Variants in STK3 observed in about 807,000 individuals in gnomAD.
STK3 encodes serine/threonine-protein kinase 3.
STK3 carries 41 observed loss-of-function variants against 58.0 expected under a neutral mutation model. The ratio of observed to expected loss-of-function variants is 0.71; its 90% confidence interval spans 0.55 to 0.92. The LOEUF (loss-of-function observed/expected upper bound fraction) is 0.92, where lower values mean the gene tolerates loss of function less well. Among genes scored for constraint, STK3 ranks in the 40% least tolerant of loss-of-function variants. The pLI is 0.00. For missense variants in STK3, 479 were observed against 602.7 expected (o/e 0.79, Z 2.15); for synonymous variants, 170 against 191.0 (o/e 0.89, Z 0.91).
chr8:98,483,173 T>C (rs1442464822), intron 10 of STK3, among the ~76,000 whole-genome samples: 2 of 152,192 alleles, frequency 1.3e-5, no homozygotes, highest in African/African-American at 4.8e-5. Context: ...AAGGCTAGGA[T>C]GCTGCCGTGA....
intron 1 of STK3, among the ~76,000 whole-genome samples, chr8:98,794,637 C>G (rs1833010990): frequency 6.6e-6 from 1 of 152,082 alleles, no homozygotes; most frequent in East Asian, 1.9e-4. Context: ...TTCCAAAAAT[C>G]AAGGAGGAAC....
At chr8:98,919,361 T>G (rs1839464935) in intron 1 of STK3, among the ~76,000 whole-genome samples, 1 of 152,166 alleles carries the variant, frequency 6.6e-6, no homozygotes, top group Admixed American at 6.5e-5. Context: ...AGCTCTCATG[T>G]TAGGAAACTA....
At chr8:98,644,612 T>C (rs1820265209) in intron 6 of STK3, among the ~76,000 whole-genome samples, 1 of 152,166 alleles carries the variant, frequency 6.6e-6, no homozygotes, top group Non-Finnish European at 1.5e-5. Flanking sequence ...ATGTCTTTTA[T>C]GTTTAACAAA....
At chr8:98,605,862 A>G (rs1816735158) in intron 6 of STK3, among the ~76,000 whole-genome samples, 1 of 152,130 alleles carries the variant, frequency 6.6e-6, no homozygotes, top group Non-Finnish European at 1.5e-5. Context: ...ATAGTGAGTT[A>G]TCATAAGATG....
intron 3 of STK3, among the ~76,000 whole-genome samples, chr8:98,834,937 G>C (rs541144069): frequency 6.6e-6 from 1 of 152,306 alleles, no homozygotes; most frequent in Non-Finnish European, 1.5e-5. Flanking sequence ...AAAAAGAAGA[G>C]GCAATTCCTA....
At chr8:98,606,234 T>C (rs1328556253) in intron 6 of STK3, 1 of 152,090 alleles carries the variant, frequency 6.6e-6, no homozygotes, top group African/African-American at 2.4e-5. Flanking sequence ...CACCTTCCAA[T>C]TTACTTCATG....
At chr8:98,927,356 G>C (rs1839838198) in intron 1 of STK3, among the ~76,000 whole-genome samples, 1 of 152,186 alleles carries the variant, frequency 6.6e-6, no homozygotes, top group Non-Finnish European at 1.5e-5. Context: ...TGCCCTCCCA[G>C]TGCAAAAGGG....
downstream of STK3, among the ~76,000 whole-genome samples, chr8:98,370,872 G>T (rs77926512): frequency 5.0e-3 from 764 of 152,268 alleles, 3 homozygotes; most frequent in Non-Finnish European, 8.0e-3. Flanking sequence ...TTACACCCGA[G>T]TCTCAGTTTC....
intron 2 of STK3, among the ~76,000 whole-genome samples, chr8:98,372,236 C>T (rs1817617433): frequency 6.6e-6 from 1 of 152,188 alleles, no homozygotes; most frequent in South Asian, 2.1e-4. Flanking sequence ...TTTTAGCCTC[C>T]AGAACTGTGG....
intron 6 of STK3, among the ~76,000 whole-genome samples, chr8:98,648,787 GA>G (rs1318744700): frequency 1.3e-5 from 2 of 152,026 alleles, no homozygotes; most frequent in African/African-American, 2.4e-5. Flanking sequence ...AGCTACTCGG[GA>G]GGCTGAGGCA....
chr8:98,913,394 T>C (rs1839225282), intron 1 of STK3, among the ~76,000 whole-genome samples: 1 of 152,208 alleles, frequency 6.6e-6, no homozygotes, highest in African/African-American at 2.4e-5. Context: ...GAAGCTGTTG[T>C]TTGTTCTTTA....
intron 3 of STK3, among the ~76,000 whole-genome samples, chr8:98,749,715 AT>A (rs1357720778): frequency 1.3e-5 from 2 of 152,094 alleles, no homozygotes; most frequent in Non-Finnish European, 2.9e-5. Flanking sequence ...TAACTAAAGC[AT>A]TTTAAATATG....
chr8:98,378,383 G>A (rs1452705677), intron 2 of STK3, among the ~76,000 whole-genome samples: 3 of 152,120 alleles, frequency 2.0e-5, no homozygotes, highest in African/African-American at 4.8e-5. Context: ...TATCCTATAC[G>A]TTTCAGGATC....
chr8:98,710,278 G>C (rs1285421850), intron 4 of STK3, among the ~76,000 whole-genome samples: 1 of 152,168 alleles, frequency 6.6e-6, no homozygotes, highest in African/African-American at 2.4e-5. Context: ...TCACTGGGGA[G>C]TATCGGAAAG....
At chr8:98,858,942 G>A (rs1836820503) in intron 3 of STK3, among the ~76,000 whole-genome samples, 1 of 149,300 alleles carries the variant, frequency 6.7e-6, no homozygotes, top group African/African-American at 2.5e-5. Context: ...TGGCAGCAAT[G>A]TGAATAAATA....
At chr8:98,771,629 A>G (rs1012645583) in intron 2 of STK3, among the ~76,000 whole-genome samples, 3 of 152,102 alleles carry the variant, frequency 2.0e-5, no homozygotes, top group African/African-American at 7.2e-5. Context: ...CAATGGCACA[A>G]TCTCGGCTCA....
intron 6 of STK3, among the ~76,000 whole-genome samples, chr8:98,695,931 T>C (rs953133379): frequency 6.6e-6 from 1 of 152,150 alleles, no homozygotes; most frequent in Admixed American, 6.5e-5. Context: ...GGGGATGGCA[T>C]TGAATCTATA....
intron 4 of STK3, among the ~76,000 whole-genome samples, chr8:98,728,619 T>C (rs1196423945): frequency 1.3e-5 from 2 of 152,150 alleles, no homozygotes; most frequent in Non-Finnish European, 2.9e-5. Flanking sequence ...CATGAAAAGA[T>C]TCCTGAAAAA....
At chr8:98,513,871 T>C (rs983501639) in intron 10 of STK3, among the ~76,000 whole-genome samples, 1 of 152,094 alleles carries the variant, frequency 6.6e-6, no homozygotes, top group Admixed American at 6.5e-5. Context: ...TTTGAACTTA[T>C]GAAACAGAAA....
Sources: gnomAD v4.1 joint callset for allele counts (sites outside exome capture counted in the v4.1 genomes callset) on GRCh38, gnomAD v4.1.1 for gene constraint, MANE v1.5 for transcripts, NCBI Gene and HGNC (gene_info 2026-07-23, HGNC 2026-07-21) for gene names.